DDX21: variants seen among roughly 807,000 people sequenced by gnomAD.
DDX21 encodes the protein DExD-box helicase 21.
DDX21 carries 18 observed loss-of-function variants against 90.0 expected under a neutral mutation model. That is an observed-to-expected ratio of 0.20 (90% CI 0.14 to 0.30). The LOEUF (loss-of-function observed/expected upper bound fraction) is 0.30. DDX21 is among the 10% of genes least tolerant of loss of function. The pLI, the probability that DDX21 is intolerant of heterozygous loss-of-function variation, is 1.00. For synonymous variants in DDX21, 294 were observed against 318.0 expected, an observed-to-expected ratio of 0.92 and a Z score of 0.80; for missense variants, 673 against 944.5, an observed-to-expected ratio of 0.71 and a Z score of 3.77.
At chr10:68,974,636 A>G (rs1843069992) in intron 10 of DDX21, 34 bp from the exon 11 acceptor site, 3 of 1,579,132 alleles carry the variant, frequency 1.9e-6, no homozygotes, top group South Asian at 2.2e-5. Context: ...ATTGATGGCC[A>G]CTGTACATTA....
chr10:68,979,086 C>G, intron 13 of DDX21, 110 bp downstream of exon 13: 1 of 1,456,786 alleles, frequency 6.9e-7, no homozygotes, highest in Non-Finnish European at 9.3e-7. Flanking sequence ...TTCACTCTCT[C>G]ATCTTCCCTG....
intron 6 of DDX21, among the ~76,000 whole-genome samples, chr10:68,968,302 C>G (rs952851134): frequency 6.6e-6 from 1 of 152,166 alleles, no homozygotes; most frequent in African/African-American, 2.4e-5. Context: ...TACAGGCGTG[C>G]GCCACCATGC....
intron 11 of DDX21, among the ~76,000 whole-genome samples, chr10:68,975,108 T>A (rs889414229): frequency 7.2e-5 from 11 of 152,230 alleles, no homozygotes; most frequent in Non-Finnish European, 1.6e-4. Flanking sequence ...AATAGTTTGC[T>A]TTGTCTAGGA....
intron 2 of DDX21, among the ~76,000 whole-genome samples, chr10:68,961,117 T>C (rs1366543147): frequency 6.6e-6 from 1 of 152,206 alleles, no homozygotes; most frequent in Non-Finnish European, 1.5e-5. Context: ...AAATTTGTTT[T>C]AGACATGGGA....
chr10:68,974,842 TA>T lies in DDX21; in HGVS notation c.1742+103del, dbSNP rs139900815. The T allele has an allele frequency of 3.2e-3, 2,886 of 912,788 alleles. 1 individual carries two copies. The highest frequency in any genetic ancestry group is 3.6e-3 in the Non-Finnish European group (2,281 of 627,576). The allele number at this position is 912,788 out of a possible 1,614,324, so 56.5% of individuals were successfully genotyped here. A position where few individuals can be genotyped will look rare whatever the true frequency, so the allele number is the denominator to read the frequency against. On this transcript the variant is annotated intron_variant, in intron 11 of 14. Transcript: ENST00000354185. ...ATTTGACTTAAAAAAATTTTTTTTT[TA>T]AAATTTTTGAGACAGGGTCTCACTA...
intron 12 of DDX21, among the ~76,000 whole-genome samples, chr10:68,978,444 G>A (rs1376587357): frequency 2.0e-5 from 3 of 152,150 alleles, no homozygotes; most frequent in Non-Finnish European, 2.9e-5. Flanking sequence ...GCGCATAAAT[G>A]CATATAATAC....
Position 68,956,195 on chromosome 10 carries a change from G to C in DDX21, c.-31G>C, listed in dbSNP as rs751863604. On this transcript the variant is annotated 5_prime_UTR_variant, in exon 1 of 15. Transcript: ENST00000354185. ...CTCTTCCTCTCCACGCGGTTGAGAAGACCGGTCGGCCTGGGCAACCTGCGC... is the reference window on the plus strand; with the variant it reads ...CTCTTCCTCTCCACGCGGTTGAGAACACCGGTCGGCCTGGGCAACCTGCGC... The C allele has an allele frequency of 6.2e-7, 1 of 1,611,558 alleles. No individual in the cohort carries two copies. Among genetic ancestry groups the C allele is most frequent in the East Asian group, 2.2e-5 (1 of 44,864 alleles).
intron 4 of DDX21, 69 bp downstream of exon 4, chr10:68,963,538 AC>A: frequency 7.0e-7 from 1 of 1,422,132 alleles, no homozygotes; most frequent in Non-Finnish European, 9.4e-7. Context: ...TTGTGTACAT[AC>A]CCTACTATTT....
Position 68,974,775 on chromosome 10 carries a change from T to C in DDX21, c.1742+32T>C, listed in dbSNP as rs758090898. 2.5e-6 allele frequency: 4 copies of C among 1,581,220 alleles called. No individual in the cohort carries two copies. The Admixed American group carries it at 5.1e-5, about 20-fold the overall frequency. ...TCCCTACCACTGCTATGGTCTGTTT[T>C]AGTGTTGGTTCAAATACTGCATGTC... On this transcript the variant is annotated intron_variant, in intron 11 of 14. Transcript: ENST00000354185.
chr10:68,960,568 T>G (rs1842860327), intron 2 of DDX21, among the ~76,000 whole-genome samples: 1 of 152,110 alleles, frequency 6.6e-6, no homozygotes, highest in Admixed American at 6.5e-5. Context: ...TTCAAGTGAT[T>G]CTCCTACCTT....
chr10:68,974,758 A>T lies in DDX21; in HGVS notation c.1742+15A>T, dbSNP rs761624752. On this transcript the variant is annotated intron_variant, in intron 11 of 14. Transcript: ENST00000354185. ...GATGCCATCAGGTATGTTCCCTACC[A>T]CTGCTATGGTCTGTTTTAGTGTTGG... 2 of 1,605,698 alleles carry T rather than the reference A, an allele frequency of 1.2e-6. No homozygotes were observed. Among genetic ancestry groups the T allele is most frequent in the South Asian group, 2.2e-5 (2 of 90,758 alleles).
chr10:68,965,622 C>A, intron 5 of DDX21, 128 bp downstream of exon 5: 1 of 687,352 alleles, frequency 1.5e-6, no homozygotes, highest in Non-Finnish European at 2.5e-6. Flanking sequence ...TTTCTTTTGC[C>A]ATTGTTTAAA....
At chr10:68,981,382 A>T (rs1003023742) in intron 13 of DDX21, among the ~76,000 whole-genome samples, 155 bp from the exon 14 acceptor site, 6 of 152,102 alleles carry the variant, frequency 3.9e-5, no homozygotes, top group African/African-American at 1.4e-4. Context: ...GCTATAATGT[A>T]TTAGCTTTGG....
Position 68,975,922 on chromosome 10 carries a change from G to A in DDX21, c.1742+1179G>A, listed in dbSNP as rs192015680. ...AAAATAGCCAGGCGTGGTTGCGCAC[G>A]CCTATAATCCCAGGTACTTGGGAGG... On this transcript the variant is annotated intron_variant, in intron 11 of 14. Coordinates refer to ENST00000354185, the MANE Select transcript of DDX21 (RefSeq NM_004728.4). 2.3e-3 allele frequency among the ~76,000 whole-genome samples: 343 copies of A among 152,024 alleles called. 1 individual carries two copies. Among genetic ancestry groups the A allele is most frequent in the Non-Finnish European group, 3.0e-3 (201 of 67,962 alleles).
chr10:68,962,167 T>C lies in DDX21; in HGVS notation c.607+10T>C, dbSNP rs1402145603. 4 of 1,573,836 alleles carry C rather than the reference T, an allele frequency of 2.5e-6. No individual in the cohort carries two copies. In the East Asian group the frequency reaches 6.7e-5, roughly 26 times the overall value. On this transcript the variant is annotated intron_variant, in intron 3 of 14. Transcript: ENST00000354185. The stretch of plus-strand genomic sequence containing the variant: ...ATTAAACTTCTCAAAGGTAATGTTC[T>C]TGGAAATATCGTATGATGTTAGAAC...
At chr10:68,981,329 T>C (rs547086199) in intron 13 of DDX21, among the ~76,000 whole-genome samples, 1 of 152,328 alleles carries the variant, frequency 6.6e-6, no homozygotes, top group Admixed American at 6.5e-5. Context: ...TTTGGGGTTC[T>C]TTTTTTCAAT....
At chr10:68,970,820 T>G (rs924575146) in intron 8 of DDX21, among the ~76,000 whole-genome samples, 1 of 151,994 alleles carries the variant, frequency 6.6e-6, no homozygotes, top group African/African-American at 2.4e-5. Flanking sequence ...GCCCAGCTAA[T>G]TTTTGTATTT....
chr10:68,965,011 T>G (rs1842922548), intron 4 of DDX21, among the ~76,000 whole-genome samples: 1 of 152,174 alleles, frequency 6.6e-6, no homozygotes, highest in Non-Finnish European at 1.5e-5. Flanking sequence ...CCTTACATTG[T>G]TGGCTCTACC....
In DDX21 at chr10:68,962,166, C is replaced by A; in HGVS notation, c.607+9C>A. 2 of 1,573,936 alleles carry A rather than the reference C, an allele frequency of 1.3e-6. No homozygotes were observed. Among genetic ancestry groups the A allele is most frequent in the South Asian group, 1.1e-5 (1 of 88,190 alleles). ...TATTAAACTTCTCAAAGGTAATGTT[C>A]TTGGAAATATCGTATGATGTTAGAA... On this transcript the variant is annotated intron_variant, in intron 3 of 14. Coordinates refer to ENST00000354185, the MANE Select transcript of DDX21 (RefSeq NM_004728.4).
Sources: gnomAD v4.1 joint callset for allele counts (sites outside exome capture counted in the v4.1 genomes callset) on GRCh38, gnomAD v4.1.1 for gene constraint, MANE v1.5 for transcripts, NCBI Gene and HGNC (gene_info 2026-07-23, HGNC 2026-07-21) for gene names.